Variants in FGF1 observed in about 807,000 individuals in gnomAD.
FGF1 encodes fibroblast growth factor 1.
A neutral mutation model predicts 13.4 loss-of-function variants in FGF1; 9 were observed. The observed-to-expected ratio is 0.67, with a 90% CI of 0.40 to 1.17. The LOEUF is 1.17. Ranked by LOEUF, FGF1 falls within the 50% of genes most tolerant of loss-of-function variation. The pLI is 0.01. For synonymous variants in FGF1, 93 were observed against 79.0 expected (o/e 1.18, Z -0.94); for missense variants, 156 against 192.7 (o/e 0.81, Z 1.13).
intron 1 of FGF1, among the ~76,000 whole-genome samples, chr5:142,666,279 T>TACACACACACAC (rs70991775): frequency 1.2e-3 from 78 of 62,608 alleles, no homozygotes; most frequent in African/African-American, 4.2e-3. Flanking sequence ...GAGCATGTAA[T>TACACACACACAC]ACACACACAC....
chr5:142,665,858 G>A (rs1050889751), intron 1 of FGF1, among the ~76,000 whole-genome samples: 1 of 152,106 alleles, frequency 6.6e-6, no homozygotes, highest in East Asian at 1.9e-4. Flanking sequence ...AGGTAGTCAA[G>A]CGTTGCCTGT....
At chr5:142,642,175 G>T (rs1432809082) in intron 1 of FGF1, among the ~76,000 whole-genome samples, 4 of 152,192 alleles carry the variant, frequency 2.6e-5, no homozygotes, top group Non-Finnish European at 5.9e-5. Context: ...CTGACCCTTG[G>T]CTTCCTGGGT....
In FGF1 at chr5:142,592,466, C is replaced by T. The variant is rs1754443657; in HGVS notation, c.*2824G>A. On this transcript the variant is annotated 3_prime_UTR_variant, in exon 4 of 4. Transcript: ENST00000337706. ...TCATGCCTTCCAAGGAAACCAATAC[C>T]TACCTCCACCACCATCACATTGCAA... is the stretch of plus-strand genomic sequence containing the variant. The T allele has an allele frequency of 5.0e-6, 2 of 398,392 alleles. No individual in the cohort carries two copies. The highest frequency in any genetic ancestry group is 4.1e-5 in the African/African-American group (2 of 48,594). The allele number at this position is 398,392 out of a possible 1,614,324, so 24.7% of individuals were successfully genotyped here.
At chr5:142,646,374 G>A (rs557433631) in intron 1 of FGF1, among the ~76,000 whole-genome samples, 3 of 151,174 alleles carry the variant, frequency 2.0e-5, no homozygotes, top group African/African-American at 7.3e-5. Context: ...TTTTTTGAGA[G>A]GAGACTTGCT....
intron 1 of FGF1, among the ~76,000 whole-genome samples, chr5:142,627,878 T>C (rs1054145704): frequency 3.9e-5 from 6 of 152,194 alleles, no homozygotes; most frequent in Non-Finnish European, 8.8e-5. Flanking sequence ...CTCCCTTTGA[T>C]CCCACATAAA....
At chr5:142,628,007 C>T (rs542927323) in intron 1 of FGF1, among the ~76,000 whole-genome samples, 1 of 152,224 alleles carries the variant, frequency 6.6e-6, no homozygotes, top group Admixed American at 6.5e-5. Context: ...CCACTCACAA[C>T]CCAGCTGTTG....
chr5:142,623,091 G>A (rs1205675388), intron 1 of FGF1, among the ~76,000 whole-genome samples: 1 of 152,220 alleles, frequency 6.6e-6, no homozygotes, highest in Non-Finnish European at 1.5e-5. Flanking sequence ...GCAAATGCCA[G>A]GGCTTTTAAA....
chr5:142,614,221 T>C, intron 1 of FGF1, 60 bp from the exon 2 acceptor site: 1 of 1,386,164 alleles, frequency 7.2e-7, no homozygotes, highest in Non-Finnish European at 1.0e-6. Context: ...AAATGCACTT[T>C]GAAGAGAGGA....
chr5:142,696,771 G>A (rs1480724596), intron 2 of FGF1, among the ~76,000 whole-genome samples: 1 of 152,182 alleles, frequency 6.6e-6, no homozygotes, highest in Non-Finnish European at 1.5e-5. Flanking sequence ...CTGGGTTTCA[G>A]TCCATGGTTA....
At chr5:142,614,249 C>T (rs1759726516) in intron 1 of FGF1, 88 bp from the exon 2 acceptor site, 3 of 1,064,156 alleles carry the variant, frequency 2.8e-6, no homozygotes, top group Non-Finnish European at 4.1e-6. Flanking sequence ...CTCCAGGGCA[C>T]AGGGTTCCCG....
intron 1 of FGF1, among the ~76,000 whole-genome samples, chr5:142,639,949 G>A (rs183922733): frequency 6.6e-6 from 1 of 152,070 alleles, no homozygotes; most frequent in East Asian, 1.9e-4. Flanking sequence ...ATCCAGTGTT[G>A]CATATCAGTT....
At chr5:142,653,714 C>T (rs1258153323) in intron 1 of FGF1, among the ~76,000 whole-genome samples, 13 of 152,190 alleles carry the variant, frequency 8.5e-5, no homozygotes, top group African/African-American at 2.7e-4. Flanking sequence ...TCTACGACAC[C>T]GGTTGGGGCT....
chr5:142,677,755 G>A (rs1009383552), intron 1 of FGF1, among the ~76,000 whole-genome samples: 11 of 152,164 alleles, frequency 7.2e-5, no homozygotes, highest in Admixed American at 1.3e-4. Context: ...CCTGTGGCAC[G>A]GCTCTGTCCT....
At chr5:142,661,288 G>A (rs771145656) in intron 1 of FGF1, among the ~76,000 whole-genome samples, 7 of 152,118 alleles carry the variant, frequency 4.6e-5, no homozygotes, top group Non-Finnish European at 8.8e-5. Flanking sequence ...AATCAAAAGC[G>A]CAATATCACT....
chr5:142,613,755 C>T (rs751671816), intron 2 of FGF1, among the ~76,000 whole-genome samples: 2 of 152,176 alleles, frequency 1.3e-5, no homozygotes, highest in African/African-American at 4.8e-5. Flanking sequence ...AAATAGGACA[C>T]GTTTGGGTAA....
At chr5:142,600,837 T>G (rs1425568786) in intron 2 of FGF1, 32 bp from the exon 3 acceptor site, 2 of 1,518,500 alleles carry the variant, frequency 1.3e-6, no homozygotes, top group Non-Finnish European at 1.8e-6. Flanking sequence ...CAAAAGTAAA[T>G]AAACACTACG....
At chr5:142,633,260 C>G (rs1270233711) in intron 1 of FGF1, among the ~76,000 whole-genome samples, 1 of 152,156 alleles carries the variant, frequency 6.6e-6, no homozygotes, top group African/African-American at 2.4e-5. Flanking sequence ...TATCCCATTA[C>G]TTCCTTGGGA....
At chr5:142,615,692 C>A (rs1248270692) in intron 1 of FGF1, among the ~76,000 whole-genome samples, 9 of 152,220 alleles carry the variant, frequency 5.9e-5, no homozygotes, top group African/African-American at 1.4e-4. Context: ...ATATTATCAT[C>A]ATTTTTAATA....
chr5:142,600,584 G>GA, intron 3 of FGF1, 118 bp downstream of exon 3: 2 of 749,656 alleles, frequency 2.7e-6, no homozygotes, highest in Non-Finnish European at 4.8e-6. Context: ...AATCCTTCTG[G>GA]AAAAAATAAC....
Sources: gnomAD v4.1 joint callset for allele counts (sites outside exome capture counted in the v4.1 genomes callset) on GRCh38, gnomAD v4.1.1 for gene constraint, MANE v1.5 for transcripts, NCBI Gene and HGNC (gene_info 2026-07-23, HGNC 2026-07-21) for gene names.